CNOT4: variants seen among roughly 807,000 people sequenced by gnomAD.
CNOT4 encodes the protein CCR4-associated factor 4.
CNOT4 carries 8 observed loss-of-function variants against 73.8 expected under a neutral mutation model. That is an observed-to-expected ratio of 0.11 (90% CI 0.06 to 0.20). CNOT4 has a LOEUF of 0.20. Ranked by LOEUF, CNOT4 falls within the 10% of genes least tolerant of loss-of-function variation. The pLI, the probability that CNOT4 is intolerant of heterozygous loss-of-function variation, is 1.00. For synonymous variants in CNOT4, 293 were observed against 321.1 expected (o/e 0.91, Z 0.94); for missense variants, 564 against 883.4 (o/e 0.64, Z 4.58).
chr7:135,465,744 T>A (rs201033955), intron 1 of CNOT4, among the ~76,000 whole-genome samples: 44 of 134,550 alleles, frequency 3.3e-4, no homozygotes, highest in East Asian at 2.3e-3. Context: ...AAAAAAAAAA[T>A]TTTTTTTTTT....
At chr7:135,419,410 A>G (rs1798054726) in intron 3 of CNOT4, among the ~76,000 whole-genome samples, 1 of 152,178 alleles carries the variant, frequency 6.6e-6, no homozygotes, top group African/African-American at 2.4e-5. Context: ...GAAGTTTTCC[A>G]AATACTAAAA....
intron 10 of CNOT4, among the ~76,000 whole-genome samples, chr7:135,374,861 T>C (rs761164643): frequency 5.3e-5 from 8 of 152,154 alleles, no homozygotes; most frequent in Non-Finnish European, 7.3e-5. Flanking sequence ...GATCTAACCA[T>C]TAGCGTGTAT....
chr7:135,401,480 C>T (rs1796998411), intron 7 of CNOT4, among the ~76,000 whole-genome samples: 1 of 152,080 alleles, frequency 6.6e-6, no homozygotes. Context: ...AAAAAACCTA[C>T]AGGTTTTCTT....
chr7:135,379,426 G>A (rs187015732), intron 10 of CNOT4, among the ~76,000 whole-genome samples: 2 of 152,238 alleles, frequency 1.3e-5, no homozygotes, highest in African/African-American at 2.4e-5. Flanking sequence ...GGAAGACTAT[G>A]GGTAGATTAA....
At chr7:135,397,187 A>T (rs962130849) in intron 8 of CNOT4, among the ~76,000 whole-genome samples, 1 of 152,170 alleles carries the variant, frequency 6.6e-6, no homozygotes, top group Non-Finnish European at 1.5e-5. Flanking sequence ...GAGAAAAATT[A>T]GTTCACAGAG....
intron 10 of CNOT4, among the ~76,000 whole-genome samples, chr7:135,372,556 T>TA (rs1795273254): frequency 1.7e-5 from 1 of 59,806 alleles, no homozygotes; most frequent in Non-Finnish European, 3.9e-5. Flanking sequence ...TGCTACCATG[T>TA]TTTTTTTTTT....
intron 8 of CNOT4, among the ~76,000 whole-genome samples, chr7:135,396,587 C>G (rs1034175554): frequency 4.6e-5 from 7 of 152,062 alleles, no homozygotes; most frequent in Admixed American, 6.5e-5. Context: ...ACTGTAATGG[C>G]TAGATTATTA....
intron 10 of CNOT4, chr7:135,388,054 A>G (rs1796210724): frequency 1.0e-6 from 1 of 985,312 alleles, no homozygotes; most frequent in African/African-American, 1.7e-5. Flanking sequence ...AGTTTCAGAT[A>G]AGTCAACTAT....
chr7:135,431,037 G>T (rs956107666), intron 2 of CNOT4, among the ~76,000 whole-genome samples: 1 of 152,208 alleles, frequency 6.6e-6, no homozygotes, highest in Non-Finnish European at 1.5e-5. Flanking sequence ...GGACTGAGGT[G>T]GAAGGATGCT....
chr7:135,375,943 G>GGT (rs138384158), intron 10 of CNOT4, among the ~76,000 whole-genome samples: 199 of 150,430 alleles, frequency 1.3e-3, no homozygotes, highest in African/African-American at 3.8e-3. Flanking sequence ...ATACAAAAGG[G>GGT]GTGTGTGTGT....
chr7:135,379,223 AAGC>A (rs1365508544), intron 10 of CNOT4, among the ~76,000 whole-genome samples: 3 of 152,230 alleles, frequency 2.0e-5, no homozygotes, highest in Non-Finnish European at 2.9e-5. Flanking sequence ...TAAAACCTGA[AAGC>A]GTGTTATAAA....
At chr7:135,444,996 T>G (rs1799732186) in intron 1 of CNOT4, 2 of 850,972 alleles carry the variant, frequency 2.4e-6, no homozygotes, top group South Asian at 1.3e-5. Context: ...GTCATGCCAT[T>G]AAGCTCACAA....
intron 7 of CNOT4, 73 bp from the exon 8 acceptor site, chr7:135,398,299 A>AC: frequency 2.6e-6 from 2 of 763,222 alleles, no homozygotes; most frequent in Non-Finnish European, 2.2e-6. Flanking sequence ...ACTCCTCAAA[A>AC]GAAAAAAAAA....
rs1227027492 is a variant in CNOT4, at chr7:135,510,044, C to A, written c.-248G>T. 1 of 399,184 alleles carries A rather than the reference C, an allele frequency of 2.5e-6. No individual in the cohort carries two copies. The highest frequency in any genetic ancestry group is 4.4e-6 in the Non-Finnish European group (1 of 226,180). 24.7% of individuals were successfully genotyped at this position (399,184 alleles called of 1,614,324 possible). ...TTACGGCTGAGAGAGAGACTCTCAGCTTTCGGTGGGTTCCACAGCCAGACG... is the reference window on the plus strand; with the variant it reads ...TTACGGCTGAGAGAGAGACTCTCAGATTTCGGTGGGTTCCACAGCCAGACG... On this transcript the variant is annotated 5_prime_UTR_variant, in exon 1 of 12. Coordinates refer to ENST00000541284, the MANE Select transcript of CNOT4 (RefSeq NM_001190850.2).
intron 1 of CNOT4, among the ~76,000 whole-genome samples, chr7:135,471,729 T>C (rs1053634538): frequency 1.3e-5 from 2 of 152,262 alleles, no homozygotes; most frequent in Non-Finnish European, 2.9e-5. Flanking sequence ...CTCCTGTATA[T>C]ACAATGACTT....
At chr7:135,452,098 G>C (rs1800206987) in intron 1 of CNOT4, among the ~76,000 whole-genome samples, 1 of 151,238 alleles carries the variant, frequency 6.6e-6, no homozygotes, top group Admixed American at 6.6e-5. Context: ...AAATAGCTGG[G>C]CATGGAGGAG....
At chr7:135,471,644 C>A (rs1424945218) in intron 1 of CNOT4, among the ~76,000 whole-genome samples, 4 of 152,182 alleles carry the variant, frequency 2.6e-5, no homozygotes, top group Non-Finnish European at 4.4e-5. Flanking sequence ...TAATTATTGT[C>A]TTTTATCAGC....
In CNOT4 at chr7:135,398,271, C is replaced by A. The variant is rs564707807; in HGVS notation, c.822-45G>T. The A allele has an allele frequency of 3.1e-6, 3 of 979,012 alleles. No homozygotes were observed. The South Asian group carries it at 4.1e-5, about 13-fold the overall frequency. 60.6% of individuals were successfully genotyped at this position (979,012 alleles called of 1,614,324 possible). On this transcript the variant is annotated intron_variant, in intron 7 of 11. Transcript: ENST00000541284. ...TGAATAAAATCAGAATATAGTCATTCTCCTACAATAAAAACAAACTCCTCA... is the reference window on the plus strand; with the variant it reads ...TGAATAAAATCAGAATATAGTCATTATCCTACAATAAAAACAAACTCCTCA...
chr7:135,375,573 T>C (rs992981323), intron 10 of CNOT4, among the ~76,000 whole-genome samples: 1 of 152,182 alleles, frequency 6.6e-6, no homozygotes, highest in African/African-American at 2.4e-5. Flanking sequence ...TATATAGATT[T>C]ATGGGTATCA....
Sources: allele counts gnomAD v4.1 joint callset (sites outside exome capture counted in the v4.1 genomes callset), GRCh38; gene constraint gnomAD v4.1.1; transcripts MANE v1.5; gene names NCBI Gene and HGNC (gene_info 2026-07-23, HGNC 2026-07-21).